ERBB3: variants seen among roughly 807,000 people sequenced by gnomAD.
ERBB3 encodes erb-b2 receptor tyrosine kinase 3.
A neutral mutation model predicts 156.7 loss-of-function variants in ERBB3; 96 were observed. That is an observed-to-expected ratio of 0.61 (90% confidence interval 0.52 to 0.73). The LOEUF (loss-of-function observed/expected upper bound fraction) is 0.73. Among genes scored for constraint, ERBB3 ranks in the 30% least tolerant of loss-of-function variants. ERBB3 has a pLI of 0.00. For synonymous variants in ERBB3, 567 were observed against 632.0 expected, an observed-to-expected ratio of 0.90 and a Z score of 1.54; for missense variants, 1,406 against 1,709.4, an observed-to-expected ratio of 0.82 and a Z score of 3.13.
intron 3 of ERBB3, 62 bp from the exon 4 acceptor site, chr12:56,086,469 A>T: frequency 6.2e-7 from 1 of 1,608,812 alleles, no homozygotes; most frequent in Middle Eastern, 1.7e-4. Context: ...GGATGGGTGG[A>T]GAGGTAAGGA....
At chr12:56,094,369 C>G (rs2136812669) in intron 14 of ERBB3, 33 bp from the exon 15 acceptor site, 2 of 1,613,752 alleles carry the variant, frequency 1.2e-6, no homozygotes, top group Non-Finnish European at 1.7e-6. Context: ...ACCTTGGGAT[C>G]TGATTCTTCC....
intron 12 of ERBB3, 22 bp downstream of exon 12, chr12:56,093,572 G>A (rs375142740): frequency 6.9e-6 from 11 of 1,604,940 alleles, no homozygotes; most frequent in East Asian, 2.2e-5. Flanking sequence ...GGTCTGCTAG[G>A]TGGTGAGAAT....
At chr12:56,081,280 C>T (rs896375594) in intron 1 of ERBB3, among the ~76,000 whole-genome samples, 23 of 152,184 alleles carry the variant, frequency 1.5e-4, no homozygotes, top group African/African-American at 5.5e-4. Flanking sequence ...GACAGAGCCC[C>T]GGATTGCTCT....
At chr12:56,098,134 G>A in intron 21 of ERBB3, 194 bp downstream of exon 21, 1 of 627,886 alleles carries the variant, frequency 1.6e-6, no homozygotes, top group Non-Finnish European at 2.7e-6. Context: ...GCCGGGCGCG[G>A]TGGCTCACGC....
chr12:56,093,640 G>A (rs1868792309), intron 12 of ERBB3, 90 bp downstream of exon 12: 3 of 1,560,222 alleles, frequency 1.9e-6, no homozygotes, highest in Admixed American at 1.7e-5. Flanking sequence ...TGGGAGTAGG[G>A]TTGAGGGATG....
upstream of ERBB3, chr12:56,080,119 CCCCTCCCCTGCCAT>C (rs1868333437): frequency 3.1e-6 from 2 of 649,834 alleles, no homozygotes; most frequent in South Asian, 3.5e-5. Flanking sequence ...CACACACACA[CCCCTCCCCTGCCAT>C]CCCTCCCCGG....
At position 56,091,815 on chromosome 12, in the gene ERBB3, G is replaced by A. The variant is rs143473013; in HGVS notation, c.1110-932G>A. Among the ~76,000 whole-genome samples the A allele has an allele frequency of 1.5e-3, 226 of 152,158 alleles. 1 individual carries two copies. Among genetic ancestry groups the A allele is most frequent in the African/African-American group, 5.0e-3 (208 of 41,500 alleles). On this transcript the variant is annotated intron_variant, in intron 9 of 27. Coordinates refer to ENST00000267101, the MANE Select transcript of ERBB3 (RefSeq NM_001982.4). ...TCCATTCACAATTAATGAATGTCTT[G>A]GGATAATTGCCTGAATCAATTATTG...
chr12:56,097,889 G>A lies in ERBB3; in HGVS notation c.2565G>A (p.Val855=), dbSNP rs1040412474. The change falls in exon 21 of 28, where the codon GTG becomes GTA. Residue 855 remains valine (V), a synonymous_variant. Coordinates refer to ENST00000267101, the MANE Select transcript of ERBB3 (RefSeq NM_001982.4). ...AGGTTCAGGTGGCAGATTTTGGTGTGGCTGACCTGCTGCCTCCTGATGATA... is the reference window on the plus strand; with the variant it reads ...AGGTTCAGGTGGCAGATTTTGGTGTAGCTGACCTGCTGCCTCCTGATGATA... The part of the protein sequence containing the change: ...PSQVQVADFG[V]ADLLPPDDKQ... 9.9e-6 allele frequency: 16 copies of A among 1,613,828 alleles called. No homozygotes were observed. Among genetic ancestry groups the A allele is most frequent in the East Asian group, 6.7e-5 (3 of 44,894 alleles).
At chr12:56,085,257 G>T in intron 3 of ERBB3, 76 bp downstream of exon 3, 1 of 1,611,528 alleles carries the variant, frequency 6.2e-7, no homozygotes, top group Non-Finnish European at 8.5e-7. Flanking sequence ...GATGACCCAA[G>T]ACTGCTCACT....
At chr12:56,088,512 T>A in intron 7 of ERBB3, 31 bp from the exon 8 acceptor site, 2 of 1,487,346 alleles carry the variant, frequency 1.3e-6, no homozygotes. Context: ...TCCTCCCTCA[T>A]CTCTAATGGT....
chr12:56,080,144 A>G, upstream of ERBB3: 1 of 675,848 alleles, frequency 1.5e-6, no homozygotes, highest in East Asian at 2.7e-5. Context: ...CCCTCCCCGG[A>G]CTCCGGCTCC....
chr12:56,098,466 A>G, intron 21 of ERBB3, 34 bp from the exon 22 acceptor site: 2 of 1,507,548 alleles, frequency 1.3e-6, no homozygotes, highest in Non-Finnish European at 1.8e-6. Context: ...ATTTGTGGAA[A>G]TAAACTTGTG....
chr12:56,094,093 C>T lies in ERBB3; in HGVS notation c.1614-6C>T. 1 of 1,611,282 alleles carries T rather than the reference C, an allele frequency of 6.2e-7. No homozygotes were observed. The highest frequency in any genetic ancestry group is 8.5e-7 in the Non-Finnish European group (1 of 1,177,526). The stretch of plus-strand genomic sequence containing the variant: ...GACCCCCCCCTCCCTTTATTCCCCA[C>T]TACAGGGAGCCTCGAGAATTTGCCC... On this transcript the variant is annotated splice_polypyrimidine_tract_variant and splice_region_variant and intron_variant, in intron 13 of 27. Coordinates refer to ENST00000267101, the MANE Select transcript of ERBB3 (RefSeq NM_001982.4).
At chr12:56,089,305 G>T (rs1250057271) in intron 9 of ERBB3, among the ~76,000 whole-genome samples, 4 of 151,968 alleles carry the variant, frequency 2.6e-5, no homozygotes, top group African/African-American at 9.7e-5. Context: ...TTTTTTTGTA[G>T]AGACAGGGTC....
chr12:56,080,641 AG>A (rs1868343110), intron 1 of ERBB3, among the ~76,000 whole-genome samples: 1 of 152,192 alleles, frequency 6.6e-6, no homozygotes. Flanking sequence ...GAAGAGGCTG[AG>A]GCCGAAACAG....
At position 56,097,054 on chromosome 12, in the gene ERBB3, G is replaced by A. The variant is rs775138327; in HGVS notation, c.2284G>A (p.Ala762Thr). The change falls in exon 20 of 28, where the codon GCC (alanine) becomes ACC (threonine). Residue 762 changes from alanine (A) to threonine (T), a missense_variant. Ala to Thr is a moderately conservative substitution (Grantham distance 58, BLOSUM62 0). This residue lies in a region of ERBB3 where 979 missense variants were observed against 1,219.6 expected (regional missense o/e 0.80). Transcript: ENST00000267101. ...CTTTTGTGTCTCTTAGCATATGCTGGCCATTGGCAGCCTGGACCATGCCCA... is the reference window on the plus strand; with the variant it reads ...CTTTTGTGTCTCTTAGCATATGCTGACCATTGGCAGCCTGGACCATGCCCA... ...SFQAVTDHML[A>T]IGSLDHAHIV... The A allele has an allele frequency of 1.2e-6, 2 of 1,614,082 alleles. No individual in the cohort carries two copies. Among genetic ancestry groups the A allele is most frequent in the Non-Finnish European group, 1.7e-6 (2 of 1,179,986 alleles).
intron 26 of ERBB3, 109 bp downstream of exon 26, chr12:56,100,354 AGTGAGGGCCGG>A: frequency 1.0e-6 from 1 of 975,964 alleles, no homozygotes. Context: ...AAAAGAAGGC[AGTGAGGGCCGG>A]GCGAGTTGGC....
At chr12:56,084,864 G>GA (rs1450158981) in intron 2 of ERBB3, 131 bp from the exon 3 acceptor site, 2 of 1,465,998 alleles carry the variant, frequency 1.4e-6, no homozygotes, top group South Asian at 2.5e-5. Context: ...TTAAAAAAAA[G>GA]AAAAAAAGAA....
At chr12:56,083,958 C>A (rs1195037383) in intron 2 of ERBB3, 56 bp downstream of exon 2, 1 of 1,551,926 alleles carries the variant, frequency 6.4e-7, no homozygotes, top group Non-Finnish European at 8.9e-7. Context: ...CCCCTAGAAC[C>A]CTCCTTCCTT....
Sources: gnomAD v4.1 joint callset for allele counts (sites outside exome capture counted in the v4.1 genomes callset) on GRCh38, gnomAD v4.1.1 for gene constraint, gnomAD v4.1.1 regional missense constraint, MANE v1.5 for transcripts, NCBI Gene and HGNC (gene_info 2026-07-23, HGNC 2026-07-21) for gene names.